Variants in GSK3B observed in about 807,000 individuals in gnomAD.
GSK3B encodes the protein glycogen synthase kinase 3 beta, also known as glycogen synthase kinase-3 beta.
In GSK3B, 15 loss-of-function variants were observed where a neutral mutation model predicts 56.4. The ratio of observed to expected loss-of-function variants is 0.27; its 90% CI spans 0.18 to 0.41. The LOEUF (loss-of-function observed/expected upper bound fraction) is 0.41. GSK3B is among the 10% of genes least tolerant of loss of function. GSK3B has a pLI of 1.00. For missense variants in GSK3B, 300 were observed against 513.4 expected (o/e 0.58, Z 4.02); for synonymous variants, 181 against 188.9 (o/e 0.96, Z 0.34).
At chr3:119,836,615 G>A (rs922038475) in intron 10 of GSK3B, among the ~76,000 whole-genome samples, 8 of 151,724 alleles carry the variant, frequency 5.3e-5, no homozygotes, top group African/African-American at 1.9e-4. Flanking sequence ...TTTTTTAATG[G>A]AAAAAGGCTG....
At chr3:120,057,185 C>T (rs1009169067) in intron 1 of GSK3B, among the ~76,000 whole-genome samples, 2 of 152,074 alleles carry the variant, frequency 1.3e-5, no homozygotes, top group African/African-American at 4.8e-5. Context: ...TTCGAACTTA[C>T]TAGTAATCAA....
intron 3 of GSK3B, among the ~76,000 whole-genome samples, chr3:119,946,155 C>T (rs1372312210): frequency 2.7e-5 from 4 of 149,916 alleles, no homozygotes; most frequent in Non-Finnish European, 4.4e-5. Flanking sequence ...GTTGTTAAAA[C>T]GTATTGTGTA....
chr3:119,886,802 T>C (rs2056441336), intron 7 of GSK3B, among the ~76,000 whole-genome samples: 2 of 152,036 alleles, frequency 1.3e-5, no homozygotes, highest in Admixed American at 1.3e-4. Flanking sequence ...CACTTATAAG[T>C]GGGAGCTAAA....
At chr3:120,014,132 CAAAA>C (rs886541816) in intron 1 of GSK3B, among the ~76,000 whole-genome samples, 1 of 77,478 alleles carries the variant, frequency 1.3e-5, no homozygotes, top group Non-Finnish European at 2.8e-5. Flanking sequence ...GAGACTCTGT[CAAAA>C]AAAAAAAAAA....
chr3:120,051,745 C>T (rs1254921746), intron 1 of GSK3B, among the ~76,000 whole-genome samples: 3 of 143,336 alleles, frequency 2.1e-5, no homozygotes, highest in African/African-American at 7.9e-5. Flanking sequence ...CCAGCCCGGG[C>T]GACAGAGTGA....
At chr3:119,862,803 A>T (rs944811793) in intron 9 of GSK3B, among the ~76,000 whole-genome samples, 2 of 151,962 alleles carry the variant, frequency 1.3e-5, no homozygotes, top group Non-Finnish European at 2.9e-5. Flanking sequence ...AAAACTGAAC[A>T]CAGAAATAGT....
chr3:120,018,627 G>A (rs942411874), intron 1 of GSK3B, among the ~76,000 whole-genome samples: 2 of 152,140 alleles, frequency 1.3e-5, no homozygotes, highest in Non-Finnish European at 2.9e-5. Context: ...AAAAGTGAAA[G>A]TGAATTGAAT....
chr3:120,003,473 A>G (rs908095691), intron 1 of GSK3B, among the ~76,000 whole-genome samples: 4 of 152,318 alleles, frequency 2.6e-5, no homozygotes, highest in African/African-American at 7.2e-5. Context: ...TCAGTACAAT[A>G]TAAGTCCTTA....
At chr3:119,936,762 A>C (rs2056999141) in intron 3 of GSK3B, among the ~76,000 whole-genome samples, 1 of 152,040 alleles carries the variant, frequency 6.6e-6, no homozygotes, top group Non-Finnish European at 1.5e-5. Context: ...CTAACAGAAT[A>C]GAAGGGAGAA....
At chr3:119,905,698 T>C (rs145225477) in intron 7 of GSK3B, 57 bp downstream of exon 7, 220 of 966,482 alleles carry the variant, frequency 2.3e-4, no homozygotes, top group Non-Finnish European at 3.5e-4. Context: ...TGATATATAT[T>C]ATTAAAGTAG....
At chr3:119,999,211 TAGAA>T (rs1442684570) in intron 2 of GSK3B, among the ~76,000 whole-genome samples, 1 of 152,136 alleles carries the variant, frequency 6.6e-6, no homozygotes, top group South Asian at 2.1e-4. Flanking sequence ...AATATTTTGA[TAGAA>T]AGAGGTTATG....
intron 9 of GSK3B, among the ~76,000 whole-genome samples, chr3:119,849,418 A>G (rs2055899159): frequency 1.3e-5 from 2 of 152,360 alleles, no homozygotes; most frequent in East Asian, 1.9e-4. Flanking sequence ...TGTGCTCGAT[A>G]CCTAAAATAA....
At chr3:119,920,260 G>T (rs967231958) in intron 4 of GSK3B, among the ~76,000 whole-genome samples, 1 of 152,100 alleles carries the variant, frequency 6.6e-6, no homozygotes, top group South Asian at 2.1e-4. Flanking sequence ...ATTTTTTTGA[G>T]ATGAAGTCTT....
chr3:119,961,335 T>C (rs2057269568), intron 2 of GSK3B, among the ~76,000 whole-genome samples: 1 of 152,050 alleles, frequency 6.6e-6, no homozygotes, highest in South Asian at 2.1e-4. Flanking sequence ...TTAAAAGTGA[T>C]GAGAAAAACA....
chr3:119,890,250 G>A (rs192824559), intron 7 of GSK3B, among the ~76,000 whole-genome samples: 2 of 152,086 alleles, frequency 1.3e-5, no homozygotes, highest in Admixed American at 1.3e-4. Context: ...CCATTCATAG[G>A]TGAATGGATA....
At chr3:119,862,664 C>CTTCTTT (rs2056122340) in intron 9 of GSK3B, among the ~76,000 whole-genome samples, 1 of 119,154 alleles carries the variant, frequency 8.4e-6, no homozygotes, top group African/African-American at 3.3e-5. Flanking sequence ...TCAACTATTT[C>CTTCTTT]TTGTTTTTTT....
chr3:119,947,859 C>A (rs1576221211), intron 2 of GSK3B, among the ~76,000 whole-genome samples: 1 of 137,856 alleles, frequency 7.3e-6, no homozygotes. Flanking sequence ...GAATGCAGAG[C>A]GAAACTCCAT....
chr3:120,017,495 C>G (rs1462792819), intron 1 of GSK3B, among the ~76,000 whole-genome samples: 1 of 152,156 alleles, frequency 6.6e-6, no homozygotes, highest in African/African-American at 2.4e-5. Flanking sequence ...ACAGCTTATC[C>G]AACCCTGCCC....
chr3:119,967,480 T>C (rs2057328095), intron 2 of GSK3B, among the ~76,000 whole-genome samples: 1 of 152,180 alleles, frequency 6.6e-6, no homozygotes, highest in African/African-American at 2.4e-5. Flanking sequence ...AAGAAGAAGT[T>C]GGAGGACTCA....
Sources: gnomAD v4.1 joint callset for allele counts (sites outside exome capture counted in the v4.1 genomes callset) on GRCh38, gnomAD v4.1.1 for gene constraint, MANE v1.5 for transcripts, NCBI Gene and HGNC (gene_info 2026-07-23, HGNC 2026-07-21) for gene names.